ANO10: variants seen among roughly 807,000 people sequenced by gnomAD.
The protein encoded by ANO10 is anoctamin 10.
A neutral mutation model predicts 74.7 loss-of-function variants in ANO10; 77 were observed. The ratio of observed to expected loss-of-function variants is 1.03; its 90% CI spans 0.86 to 1.25. The LOEUF (loss-of-function observed/expected upper bound fraction) is 1.25, where lower values mean the gene tolerates loss of function less well. ANO10 is among the 50% of genes most tolerant of loss of function. The pLI is 0.00. For synonymous variants in ANO10, 279 were observed against 284.9 expected (o/e 0.98, Z 0.21); for missense variants, 721 against 778.1 (o/e 0.93, Z 0.87).
rs990047189 is a variant in ANO10 at position 43,561,300 on chromosome 3, T to C, written c.1396A>G (p.Lys466Glu). Residue 466 changes from lysine to glutamate, a missense_variant, in exon 9 of 13, where the codon AAG becomes GAG. Transcript: ENST00000292246. ...ATGTCTGCCTTTAAAGCCTGCACCT[T>C]CCTCTTCACCCGCACACCATGCTTC... is the stretch of plus-strand genomic sequence containing the variant. ...QRKHGVRVKRKVQALKADIDA... is the reference protein window; with the variant it reads ...QRKHGVRVKREVQALKADIDA... 1.9e-6 allele frequency: 3 copies of C among 1,614,170 alleles called. No homozygotes were observed. Among genetic ancestry groups the C allele is most frequent in the Non-Finnish European group, 1.7e-6 (2 of 1,180,026 alleles).
chr3:43,688,018 T>C (rs1334237700), intron 1 of ANO10, among the ~76,000 whole-genome samples: 1 of 152,206 alleles, frequency 6.6e-6, no homozygotes, highest in Non-Finnish European at 1.5e-5. Flanking sequence ...TTGTTGAAGA[T>C]GACTCCATCA....
chr3:43,686,268 A>C (rs2084273513), intron 1 of ANO10, among the ~76,000 whole-genome samples: 1 of 152,146 alleles, frequency 6.6e-6, no homozygotes, highest in Admixed American at 6.5e-5. Flanking sequence ...GGACCTCAAG[A>C]ATTGTTTAGT....
intron 12 of ANO10, among the ~76,000 whole-genome samples, chr3:43,396,907 T>C (rs1338651647): frequency 6.6e-6 from 1 of 152,006 alleles, no homozygotes; most frequent in Non-Finnish European, 1.5e-5. Context: ...TCCCATCCAG[T>C]GTATTTTTTT....
chr3:43,642,431 T>C (rs1416098247), intron 1 of ANO10, among the ~76,000 whole-genome samples: 1 of 152,210 alleles, frequency 6.6e-6, no homozygotes, highest in Non-Finnish European at 1.5e-5. Context: ...ATCAAATCCA[T>C]TATGAGTGTA....
rs577656692 is a variant in ANO10 at position 43,419,775 on chromosome 3, C to A, written c.1914+12836G>T. Among the ~76,000 whole-genome samples the A allele has an allele frequency of 6.5e-4, 99 of 152,250 alleles. 2 individuals carry two copies. The highest frequency in any genetic ancestry group is 1.9e-3 in the African/African-American group (81 of 41,580). On this transcript the variant is annotated intron_variant, in intron 12 of 12. Transcript: ENST00000292246. Reference sequence around the variant, plus strand: ...AAACAATCCACCCACCTCGGCCTCCCAAAGTGCTGGGATGACAGGCGTGAG... The same window carrying A: ...AAACAATCCACCCACCTCGGCCTCCAAAAGTGCTGGGATGACAGGCGTGAG...
chr3:43,367,191 C>T (rs1278442234), intron 12 of ANO10, among the ~76,000 whole-genome samples: 1 of 152,144 alleles, frequency 6.6e-6, no homozygotes, highest in Non-Finnish European at 1.5e-5. Context: ...TGAGCCCAGA[C>T]CAGCAGGGAT....
At chr3:43,678,826 T>G (rs988445033) in intron 1 of ANO10, among the ~76,000 whole-genome samples, 2 of 152,076 alleles carry the variant, frequency 1.3e-5, no homozygotes, top group Admixed American at 6.5e-5. Flanking sequence ...AAAATACTTT[T>G]CTTTATGGAA....
intron 1 of ANO10, among the ~76,000 whole-genome samples, chr3:43,651,557 C>A (rs928172449): frequency 6.6e-5 from 10 of 152,110 alleles, no homozygotes; most frequent in Non-Finnish European, 1.3e-4. Context: ...GGGTTAGTGG[C>A]AGTCCTGGCA....
intron 11 of ANO10, among the ~76,000 whole-genome samples, chr3:43,453,849 T>C (rs2075001391): frequency 6.6e-6 from 1 of 152,242 alleles, no homozygotes; most frequent in Admixed American, 6.5e-5. Flanking sequence ...GTATCCTTCT[T>C]AAGGTGTCTG....
intron 7 of ANO10, among the ~76,000 whole-genome samples, chr3:43,568,017 A>G (rs2080468555): frequency 6.6e-6 from 1 of 151,792 alleles, no homozygotes; most frequent in Non-Finnish European, 1.5e-5. Context: ...AAACAAAAAA[A>G]GGCAGGGGTT....
At chr3:43,405,841 A>C (rs1166552438) in intron 12 of ANO10, among the ~76,000 whole-genome samples, 1 of 152,176 alleles carries the variant, frequency 6.6e-6, no homozygotes, top group Non-Finnish European at 1.5e-5. Flanking sequence ...AATTATTGAC[A>C]AATGAATCTC....
chr3:43,662,587 CA>C (rs1274347694), intron 1 of ANO10, among the ~76,000 whole-genome samples: 1 of 150,914 alleles, frequency 6.6e-6, no homozygotes, highest in African/African-American at 2.4e-5. Context: ...GATAGAGACA[CA>C]AAAAAATAAA....
chr3:43,635,480 T>C (rs2083598484), intron 1 of ANO10, among the ~76,000 whole-genome samples: 1 of 152,246 alleles, frequency 6.6e-6, no homozygotes, highest in Admixed American at 6.5e-5. Flanking sequence ...TGGCTGAAGA[T>C]GAATTGTGAC....
chr3:43,593,789 T>C (rs996098875), intron 4 of ANO10, among the ~76,000 whole-genome samples: 48 of 152,204 alleles, frequency 3.2e-4, no homozygotes, highest in Admixed American at 2.0e-4. Context: ...ATGGGCTAAA[T>C]GCTCCAATTA....
rs745316599 is a variant in ANO10, at chr3:43,574,841, A to G, written c.1186T>C (p.Tyr396His). The change falls in exon 7 of 13, where the codon TAT (tyrosine) becomes CAT (histidine). Residue 396 changes from tyrosine (Y) to histidine (H), a missense_variant. Coordinates refer to ENST00000292246, the MANE Select transcript of ANO10 (RefSeq NM_018075.5). ...ACTTTCAGAATTAGATGGTTCTGAT[A>G]GGCAGATTCCAATCTGTGATTCTCT... ...SWENHRLESA[Y>H]QNHLILKVLV... The G allele has an allele frequency of 6.2e-7, 1 of 1,614,100 alleles. No homozygotes were observed. Among genetic ancestry groups the G allele is most frequent in the South Asian group, 1.1e-5 (1 of 91,078 alleles).
intron 12 of ANO10, among the ~76,000 whole-genome samples, chr3:43,368,983 GGTGGCTGGAAGCCCC>G (rs2091509495): frequency 6.6e-6 from 1 of 152,244 alleles, no homozygotes; most frequent in South Asian, 2.1e-4. Flanking sequence ...TTCAAGGCAT[GGTGGCTGGAAGCCCC>G]GTGAGGTCAG....
intron 11 of ANO10, among the ~76,000 whole-genome samples, chr3:43,507,281 G>A (rs1183442539): frequency 2.0e-5 from 3 of 152,106 alleles, no homozygotes; most frequent in African/African-American, 4.8e-5. Context: ...ACTGTCCTTC[G>A]TAGGAGACAG....
intron 12 of ANO10, among the ~76,000 whole-genome samples, chr3:43,430,114 G>C (rs1274206808): frequency 6.6e-6 from 1 of 152,074 alleles, no homozygotes; most frequent in African/African-American, 2.4e-5. Context: ...CATTTTGAAT[G>C]AGGTTGAGCA....
intron 1 of ANO10, among the ~76,000 whole-genome samples, chr3:43,656,206 G>A (rs796655941): frequency 2.7e-4 from 41 of 151,508 alleles, no homozygotes; most frequent in African/African-American, 9.7e-4. Flanking sequence ...AGTGTCAATT[G>A]GTGCATTCAC....
Sources: gnomAD v4.1 joint callset for allele counts (sites outside exome capture counted in the v4.1 genomes callset) on GRCh38, gnomAD v4.1.1 for gene constraint, MANE v1.5 for transcripts, NCBI Gene and HGNC (gene_info 2026-07-23, HGNC 2026-07-21) for gene names.